Variants in GALNT2 observed in about 807,000 individuals in gnomAD.
GALNT2 encodes UDP-GalNAc:polypeptide N-acetylgalactosaminyltransferase 2.
Under a neutral mutation model 81.4 loss-of-function variants are expected in GALNT2, and 31 were observed. The ratio of observed to expected loss-of-function variants is 0.38; its 90% CI spans 0.29 to 0.51. GALNT2 has a LOEUF of 0.51. Among genes scored for constraint, GALNT2 ranks in the 20% least tolerant of loss-of-function variants. The pLI, the probability that GALNT2 is intolerant of heterozygous loss-of-function variation, is 0.87. For missense variants in GALNT2, 629 were observed against 765.7 expected (o/e 0.82, Z 2.11); for synonymous variants, 303 against 287.4 (o/e 1.05, Z -0.55).
chr1:230,197,136 C>G (rs961739022), intron 2 of GALNT2, among the ~76,000 whole-genome samples: 1 of 151,988 alleles, frequency 6.6e-6, no homozygotes, highest in Non-Finnish European at 1.5e-5. Context: ...GGACCTGTCT[C>G]GCATCTCCCC....
At chr1:230,225,533 ACT>A (rs1422975968) in intron 3 of GALNT2, among the ~76,000 whole-genome samples, 1 of 151,120 alleles carries the variant, frequency 6.6e-6, no homozygotes, top group Non-Finnish European at 1.5e-5. Context: ...CTTAGGCTTG[ACT>A]CTCTCTGTGT....
chr1:230,118,730 G>A (rs898830640), intron 1 of GALNT2, among the ~76,000 whole-genome samples: 16 of 92,612 alleles, frequency 1.7e-4, no homozygotes, highest in African/African-American at 5.0e-4. Context: ...GTCTCGGTGG[G>A]AGCATCGTCC....
At chr1:230,166,030 G>A (rs2296065) in intron 1 of GALNT2, among the ~76,000 whole-genome samples, 130,339 of 152,180 alleles carry the variant, frequency 0.86, 55,897 homozygotes, top group East Asian at 0.96. Flanking sequence ...TGTATGAACC[G>A]CCTTAACCCC....
rs139556915 is a variant in GALNT2 at position 230,203,057 on chromosome 1, G to A, written c.221-80G>A. On this transcript the variant is annotated intron_variant, in intron 2 of 15. Coordinates refer to ENST00000366672, the MANE Select transcript of GALNT2 (RefSeq NM_004481.5). ...AGAAGCCATGGATGTGATTTCTGGA[G>A]TTAACACTTACTGCAGTCTCTGTGA... is the stretch of plus-strand genomic sequence containing the variant. 637 of 1,462,486 alleles carry A rather than the reference G, an allele frequency of 4.4e-4. 2 individuals carry two copies. The African/African-American group carries it at 8.2e-3, about 19-fold the overall frequency. 90.6% of individuals were successfully genotyped at this position (1,462,486 alleles called of 1,614,324 possible).
At chr1:230,186,490 T>A (rs1663341545) in intron 2 of GALNT2, among the ~76,000 whole-genome samples, 1 of 152,252 alleles carries the variant, frequency 6.6e-6, no homozygotes, top group Admixed American at 6.5e-5. Flanking sequence ...ATAGTTAATA[T>A]TCCTTTATTA....
Position 230,276,332 on chromosome 1 carries a change from C to A in GALNT2, c.1560+1768C>A, listed in dbSNP as rs567734707. ...AGTGTCAGGAATAGAAATGCAAGCA[C>A]AAAAGGTCCTCCCTGTATGCCCATA... On this transcript the variant is annotated intron_variant, in intron 15 of 15. Coordinates refer to ENST00000366672, the MANE Select transcript of GALNT2 (RefSeq NM_004481.5). Among the ~76,000 whole-genome samples, 50 of 152,188 alleles carry A rather than the reference C, an allele frequency of 3.3e-4. 1 individual carries two copies. The highest frequency in any genetic ancestry group is 3.3e-3 in the Admixed American group (50 of 15,276).
intron 1 of GALNT2, among the ~76,000 whole-genome samples, chr1:230,089,054 A>G (rs1659980859): frequency 1.3e-5 from 2 of 152,020 alleles, no homozygotes; most frequent in South Asian, 4.1e-4. Context: ...TTTGAGGTTC[A>G]TTCAGGTAGT....
At chr1:230,252,180 A>G (rs763807640) in intron 10 of GALNT2, among the ~76,000 whole-genome samples, 1 of 152,120 alleles carries the variant, frequency 6.6e-6, no homozygotes, top group Non-Finnish European at 1.5e-5. Context: ...GCACTGCTCT[A>G]GCTTCTGCTT....
chr1:230,164,698 T>C (rs1662546973), intron 1 of GALNT2, among the ~76,000 whole-genome samples: 1 of 152,106 alleles, frequency 6.6e-6, no homozygotes, highest in Admixed American at 6.5e-5. Flanking sequence ...CACGCCTGGC[T>C]AATTTTTTGT....
intron 1 of GALNT2, among the ~76,000 whole-genome samples, chr1:230,109,054 A>G (rs2102787070): frequency 6.6e-6 from 1 of 152,346 alleles, no homozygotes; most frequent in South Asian, 2.1e-4. Context: ...CGTTTTCTAG[A>G]TGGACTATCC....
At chr1:230,153,600 TC>T (rs1432072673) in intron 1 of GALNT2, among the ~76,000 whole-genome samples, 2 of 152,356 alleles carry the variant, frequency 1.3e-5, no homozygotes, top group East Asian at 3.9e-4. Context: ...GAGGACGCCT[TC>T]CAGATTCACC....
intron 1 of GALNT2, among the ~76,000 whole-genome samples, chr1:230,167,092 C>CT (rs59484402): frequency 0.48 from 71,255 of 147,194 alleles, 19,808 homozygotes; most frequent in East Asian, 0.65. Flanking sequence ...TTCTGAGACT[C>CT]TTTTTTTTTT....
chr1:230,158,451 A>G (rs1205885688), intron 1 of GALNT2, among the ~76,000 whole-genome samples: 1 of 152,244 alleles, frequency 6.6e-6, no homozygotes, highest in Non-Finnish European at 1.5e-5. Context: ...TAAACATAGA[A>G]GTAAGAGGGA....
intron 1 of GALNT2, among the ~76,000 whole-genome samples, chr1:230,147,047 TG>T: frequency 1.3e-5 from 2 of 150,488 alleles, no homozygotes; most frequent in Non-Finnish European, 3.0e-5. Flanking sequence ...TGTGGCAGGG[TG>T]AATTGGGAAG....
intron 1 of GALNT2, among the ~76,000 whole-genome samples, chr1:230,098,624 G>C (rs953413343): frequency 3.9e-5 from 6 of 152,062 alleles, no homozygotes; most frequent in African/African-American, 1.4e-4. Flanking sequence ...CTATGCCATA[G>C]CGGGGAGGGA....
At chr1:230,075,498 C>T (rs6541267) in intron 1 of GALNT2, among the ~76,000 whole-genome samples, 46,463 of 152,132 alleles carry the variant, frequency 0.31, 10,194 homozygotes, top group African/African-American at 0.63. Context: ...TCCTGAAGGC[C>T]GCAATCCTCA....
chr1:230,158,363 C>T (rs1662326192), intron 1 of GALNT2, among the ~76,000 whole-genome samples: 1 of 152,202 alleles, frequency 6.6e-6, no homozygotes, highest in Non-Finnish European at 1.5e-5. Flanking sequence ...GACCTGATTA[C>T]ATTATATATG....
At chr1:230,135,622 CA>C (rs1178701246) in intron 1 of GALNT2, among the ~76,000 whole-genome samples, 1 of 152,150 alleles carries the variant, frequency 6.6e-6, no homozygotes, top group African/African-American at 2.4e-5. Context: ...GGGCCCTTTG[CA>C]GTCTGGCAGG....
chr1:230,184,748 A>G (rs1372498202), intron 2 of GALNT2, among the ~76,000 whole-genome samples: 1 of 151,962 alleles, frequency 6.6e-6, no homozygotes, highest in East Asian at 1.9e-4. Context: ...GTGTTCTCTA[A>G]GTTTCCTTAA....
Sources: gnomAD v4.1 joint callset for allele counts (sites outside exome capture counted in the v4.1 genomes callset) on GRCh38, gnomAD v4.1.1 for gene constraint, MANE v1.5 for transcripts, NCBI Gene and HGNC (gene_info 2026-07-23, HGNC 2026-07-21) for gene names.